Variants in TMEM245 observed in about 807,000 individuals in gnomAD.
TMEM245 encodes the protein protein CG-2.
Under a neutral mutation model 101.2 loss-of-function variants are expected in TMEM245, and 69 were observed. That is an observed-to-expected ratio of 0.68 (90% CI 0.56 to 0.83). The LOEUF (loss-of-function observed/expected upper bound fraction) is 0.83, where lower values mean the gene tolerates loss of function less well. TMEM245 is among the 40% of genes least tolerant of loss of function. The pLI is 0.00. For missense variants in TMEM245, 1,075 were observed against 1,092.8 expected, an observed-to-expected ratio of 0.98 and a Z score of 0.23; for synonymous variants, 537 against 449.8, an observed-to-expected ratio of 1.19 and a Z score of -2.45.
chr9:109,072,274 G>T (rs1829356752), intron 9 of TMEM245, among the ~76,000 whole-genome samples: 2 of 152,172 alleles, frequency 1.3e-5, no homozygotes, highest in South Asian at 4.1e-4. Context: ...ACTGGAATGT[G>T]GACAGATGTG....
chr9:109,112,541 CAAA>C (rs533252943), intron 1 of TMEM245, among the ~76,000 whole-genome samples: 1 of 106,598 alleles, frequency 9.4e-6, no homozygotes, highest in Admixed American at 1.0e-4. Context: ...AACTCCATCT[CAAA>C]AAAAAAAAAA....
chr9:109,051,619 T>C (rs1828688429), intron 12 of TMEM245, among the ~76,000 whole-genome samples: 1 of 152,116 alleles, frequency 6.6e-6, no homozygotes, highest in Non-Finnish European at 1.5e-5. Flanking sequence ...ATCTAAAAGG[T>C]ACAGTAAAAA....
At chr9:109,058,343 A>C (rs1336402978) in intron 11 of TMEM245, among the ~76,000 whole-genome samples, 1 of 152,040 alleles carries the variant, frequency 6.6e-6, no homozygotes, top group Non-Finnish European at 1.5e-5. Flanking sequence ...GGTAAGGAAA[A>C]TGAGGACAGA....
intron 1 of TMEM245, among the ~76,000 whole-genome samples, chr9:109,113,421 T>A (rs532251660): frequency 6.6e-6 from 1 of 152,358 alleles, no homozygotes; most frequent in East Asian, 1.9e-4. Context: ...CAGTTACAGA[T>A]AAGAGGGCAT....
chr9:109,102,954 C>T (rs1010273122), intron 3 of TMEM245, among the ~76,000 whole-genome samples: 2 of 152,222 alleles, frequency 1.3e-5, no homozygotes, highest in African/African-American at 4.8e-5. Flanking sequence ...TTGAGGACCA[C>T]TACTATATCC....
rs1258998088 is a variant in TMEM245, at chr9:109,019,689, G to GA, written c.*770dup. 1 of 152,538 alleles carries GA rather than the reference G, an allele frequency of 6.6e-6. No individual in the cohort carries two copies. The highest frequency in any genetic ancestry group is 2.4e-5 in the African/African-American group (1 of 41,440). 9.4% of individuals were successfully genotyped at this position (152,538 alleles called of 1,614,324 possible). On this transcript the variant is annotated 3_prime_UTR_variant, in exon 18 of 18. Coordinates refer to ENST00000374586, the MANE Select transcript of TMEM245 (RefSeq NM_032012.4). Reference sequence around the variant, plus strand: ...TGAGATTTTTCACTTCAACCACCTGGAAGGAGAAAACCTAATAACAGCATG... The same window carrying GA: ...TGAGATTTTTCACTTCAACCACCTGGAAAGGAGAAAACCTAATAACAGCATG...
intron 1 of TMEM245, among the ~76,000 whole-genome samples, chr9:109,115,481 G>C (rs1391732994): frequency 6.9e-6 from 1 of 145,816 alleles, no homozygotes; most frequent in Admixed American, 6.9e-5. Context: ...TAGATGACTA[G>C]AATGCTGATA....
At position 109,106,615 on chromosome 9, in the gene TMEM245, AATT is replaced by A. The variant is rs1830431843; in HGVS notation, c.698-9_698-7del. On this transcript the variant is annotated splice_polypyrimidine_tract_variant and splice_region_variant and intron_variant, in intron 2 of 17. Coordinates refer to ENST00000374586, the MANE Select transcript of TMEM245 (RefSeq NM_032012.4). Reference sequence around the variant, plus strand: ...CCATGAGCCAGCCAGGGATGCTGCAAATTATTAAGAATTAACATTTTTAGTGAA... The same window carrying A: ...CCATGAGCCAGCCAGGGATGCTGCAAATTAAGAATTAACATTTTTAGTGAA... 1 of 1,588,028 alleles carries A rather than the reference AATT, an allele frequency of 6.3e-7. No individual in the cohort carries two copies. Among genetic ancestry groups the A allele is most frequent in the East Asian group, 2.2e-5 (1 of 44,508 alleles).
intron 14 of TMEM245, among the ~76,000 whole-genome samples, chr9:109,050,026 A>G (rs1828624984): frequency 6.6e-6 from 1 of 152,158 alleles, no homozygotes; most frequent in South Asian, 2.1e-4. Context: ...TCCTGGCCTC[A>G]AGCAATCTTC....
At chr9:109,097,192 C>A (rs1830164432) in intron 3 of TMEM245, among the ~76,000 whole-genome samples, 1 of 152,186 alleles carries the variant, frequency 6.6e-6, no homozygotes, top group South Asian at 2.1e-4. Context: ...ACAGTTCTAT[C>A]TTGGAGAGGA....
intron 17 of TMEM245, among the ~76,000 whole-genome samples, chr9:109,025,310 G>T (rs565179578): frequency 6.6e-6 from 1 of 152,136 alleles, no homozygotes; most frequent in Non-Finnish European, 1.5e-5. Context: ...GGACTCAAAC[G>T]ATCGCCTGCC....
At chr9:109,060,220 C>CTGA in intron 11 of TMEM245, 134 bp downstream of exon 11, 1 of 640,982 alleles carries the variant, frequency 1.6e-6, no homozygotes, top group Admixed American at 3.1e-5. Context: ...TTTTAGTGAC[C>CTGA]TGAGGCTTAA....
In TMEM245 at chr9:109,080,941, C is replaced by T. The variant is rs761229420; in HGVS notation, c.1347G>A (p.Met449Ile). 1.1e-5 allele frequency: 17 copies of T among 1,582,472 alleles called. No individual in the cohort carries two copies. In the South Asian group the frequency reaches 1.8e-4, roughly 17 times the overall value. The change falls in exon 8 of 18, where the codon ATG (methionine) becomes ATA (isoleucine). Residue 449 changes from methionine to isoleucine, a missense_variant and splice_region_variant. Met to Ile is a conservative substitution (Grantham distance 10). Coordinates refer to ENST00000374586, the MANE Select transcript of TMEM245 (RefSeq NM_032012.4). ...SKLWHWLNKK[M>I]IIWLEKMLDK... The stretch of plus-strand genomic sequence containing the variant: ...CTAACATCTTCTCCAACCAGATGAT[C>T]ATCTGCACAAAAACGAAAAAGAGAA...
At chr9:109,030,867 C>T (rs1827924570) in intron 17 of TMEM245, among the ~76,000 whole-genome samples, 1 of 152,202 alleles carries the variant, frequency 6.6e-6, no homozygotes, top group Non-Finnish European at 1.5e-5. Flanking sequence ...TGTCTCTCTT[C>T]ACAAAATATA....
chr9:109,087,448 G>A (rs2132550970), intron 5 of TMEM245, 106 bp from the exon 6 acceptor site: 1 of 1,115,138 alleles, frequency 9.0e-7, no homozygotes, highest in African/African-American at 1.6e-5. Flanking sequence ...AACAAAGCTA[G>A]TATTAAAAAG....
chr9:109,053,108 A>C (rs2132401738), intron 12 of TMEM245, among the ~76,000 whole-genome samples: 1 of 152,316 alleles, frequency 6.6e-6, no homozygotes, highest in African/African-American at 2.4e-5. Flanking sequence ...TCTGAAAACA[A>C]AACACATTTA....
At chr9:109,100,313 TTTA>T (rs887758280) in intron 3 of TMEM245, among the ~76,000 whole-genome samples, 5 of 152,140 alleles carry the variant, frequency 3.3e-5, no homozygotes, top group African/African-American at 1.2e-4. Flanking sequence ...CCTATGTTTA[TTTA>T]TTTATTATCA....
At chr9:109,095,364 G>A (rs993824610) in intron 3 of TMEM245, among the ~76,000 whole-genome samples, 2 of 152,200 alleles carry the variant, frequency 1.3e-5, no homozygotes, top group African/African-American at 4.8e-5. Flanking sequence ...ACAAATAAAC[G>A]TGTGTATAGA....
chr9:109,020,810 G>C (rs184199215), intron 17 of TMEM245, among the ~76,000 whole-genome samples: 8 of 152,350 alleles, frequency 5.3e-5, no homozygotes, highest in Non-Finnish European at 1.0e-4. Flanking sequence ...TTCCTTAAAA[G>C]AGAAGAGCAA....
Sources: gnomAD v4.1 joint callset for allele counts (sites outside exome capture counted in the v4.1 genomes callset) on GRCh38, gnomAD v4.1.1 for gene constraint, MANE v1.5 for transcripts, NCBI Gene and HGNC (gene_info 2026-07-23, HGNC 2026-07-21) for gene names.